WDR59: variants seen among roughly 807,000 people sequenced by gnomAD.
WDR59 encodes GATOR2 complex protein WDR59.
Under a neutral mutation model 131.2 loss-of-function variants are expected in WDR59, and 100 were observed. The observed-to-expected ratio is 0.76, with a 90% confidence interval of 0.65 to 0.90. The LOEUF is 0.90. Among genes scored for constraint, WDR59 ranks in the 40% least tolerant of loss-of-function variants. The pLI is 0.00. For synonymous variants in WDR59, 601 were observed against 466.2 expected (o/e 1.29, Z -3.72); for missense variants, 1,203 against 1,262.2 (o/e 0.95, Z 0.71).
chr16:74,953,042 G>A (rs2033091880), intron 3 of WDR59, among the ~76,000 whole-genome samples: 1 of 152,060 alleles, frequency 6.6e-6, no homozygotes, highest in South Asian at 2.1e-4. Flanking sequence ...CCCAGCACAC[G>A]ACACAGCGGG....
intron 14 of WDR59, among the ~76,000 whole-genome samples, chr16:74,911,242 T>G (rs1394444303): frequency 6.6e-6 from 1 of 152,204 alleles, no homozygotes; most frequent in Non-Finnish European, 1.5e-5. Flanking sequence ...CTATCTTTTT[T>G]GTATGTCCAA....
At chr16:74,962,492 G>C (rs1388862792) in intron 2 of WDR59, among the ~76,000 whole-genome samples, 2 of 152,038 alleles carry the variant, frequency 1.3e-5, no homozygotes, top group African/African-American at 2.4e-5. Context: ...CCTTGAAGAG[G>C]TCCTTCACTT....
rs1817467927 is a variant in WDR59 at position 74,871,519 on chromosome 16, C to T, written c.*2690G>A. On this transcript the variant is annotated 3_prime_UTR_variant, in exon 26 of 26. Transcript: ENST00000262144. ...AAGGAATTTCCGTATTGAAGGATGA[C>T]ATTATGTAATATTTTAAACTCGAAA... The T allele has an allele frequency of 6.6e-6, 1 of 152,192 alleles. No individual in the cohort carries two copies. The highest frequency in any genetic ancestry group is 1.5e-5 in the Non-Finnish European group (1 of 68,036). The allele number at this position is 152,192 out of a possible 1,614,324, so 9.4% of individuals were successfully genotyped here. A position where few individuals can be genotyped will look rare whatever the true frequency, so the allele number is the denominator to read the frequency against.
At chr16:74,960,951 T>C (rs540938374) in intron 2 of WDR59, among the ~76,000 whole-genome samples, 1 of 152,182 alleles carries the variant, frequency 6.6e-6, no homozygotes, top group Non-Finnish European at 1.5e-5. Context: ...TTTGTAAATT[T>C]CAGCTATTTA....
chr16:74,980,951 C>T lies in WDR59; in HGVS notation c.54+4013G>A, dbSNP rs184542037. ...CTGCACTCCAGCCTGGGCAACAGAGCGAGACTCCATCTCAAAAATAAAAAA... is the reference window on the plus strand; with the variant it reads ...CTGCACTCCAGCCTGGGCAACAGAGTGAGACTCCATCTCAAAAATAAAAAA... On this transcript the variant is annotated intron_variant, in intron 1 of 25. Transcript: ENST00000262144. 4.1e-5 allele frequency among the ~76,000 whole-genome samples: 6 copies of T among 146,628 alleles called. No individual in the cohort carries two copies. In the South Asian group the frequency reaches 8.9e-4, roughly 22 times the overall value.
At position 74,984,744 on chromosome 16, in the gene WDR59, G is replaced by T; in HGVS notation, c.54+220C>A. On this transcript the variant is annotated intron_variant, in intron 1 of 25. Transcript: ENST00000262144. ...CAAGGCGGACCCCACTCCCCTACCC[G>T]CGTAGGGAGCCCCGAAACTCCGTCC... 7 of 606,738 alleles carry T rather than the reference G, an allele frequency of 1.2e-5. No homozygotes were observed. The South Asian group carries it at 1.4e-4, about 12-fold the overall frequency. The allele number at this position is 606,738 out of a possible 1,614,324, so 37.6% of individuals were successfully genotyped here.
At chr16:74,977,945 T>G (rs953116274) in intron 1 of WDR59, among the ~76,000 whole-genome samples, 1 of 152,096 alleles carries the variant, frequency 6.6e-6, no homozygotes, top group African/African-American at 2.4e-5. Context: ...TGGTGGCTCA[T>G]GCCTGTAATC....
At chr16:74,960,648 G>A (rs1489851919) in intron 2 of WDR59, among the ~76,000 whole-genome samples, 2 of 151,492 alleles carry the variant, frequency 1.3e-5, no homozygotes, top group East Asian at 3.9e-4. Flanking sequence ...GGGAGGCTGA[G>A]GCATGAAAAT....
intron 1 of WDR59, among the ~76,000 whole-genome samples, chr16:74,975,613 G>A (rs1210342122): frequency 6.7e-6 from 1 of 148,424 alleles, no homozygotes; most frequent in Admixed American, 6.8e-5. Flanking sequence ...GCACTGAGCC[G>A]AGATCATGCC....
At chr16:74,937,495 G>A (rs892188902) in intron 8 of WDR59, among the ~76,000 whole-genome samples, 2 of 151,904 alleles carry the variant, frequency 1.3e-5, no homozygotes, top group East Asian at 1.9e-4. Flanking sequence ...CAGCTTCTTC[G>A]CAAGGGAACC....
chr16:74,948,200 TCTCC>T (rs2032767704), intron 6 of WDR59, among the ~76,000 whole-genome samples: 2 of 152,342 alleles, frequency 1.3e-5, no homozygotes, highest in South Asian at 4.1e-4. Flanking sequence ...TTCATTTTCT[TCTCC>T]CTATTTTTAC....
chr16:74,889,764 C>A lies in WDR59; in HGVS notation c.2134G>T (p.Asp712Tyr). The A allele has an allele frequency of 6.2e-7, 1 of 1,614,126 alleles. No homozygotes were observed. The highest frequency in any genetic ancestry group is 1.1e-5 in the South Asian group (1 of 91,070). Residue 712 changes from aspartate to tyrosine, a missense_variant, in exon 21 of 26, where the codon GAC (aspartate) becomes TAC (tyrosine). Asp to Tyr is a radical substitution (Grantham distance 160). Coordinates refer to ENST00000262144, the MANE Select transcript of WDR59 (RefSeq NM_030581.4). ...GCCCAGGGTGTTTCCAAATCTGGGT[C>A]AGATTTCGGACCAAGGCAAAGATCT... Reference protein sequence around the residue: ...ATDLCLGPKSDPDLETPWARH... With the variant: ...ATDLCLGPKSYPDLETPWARH...
intron 22 of WDR59, 119 bp from the exon 23 acceptor site, chr16:74,887,874 T>C (rs1184748849): frequency 1.9e-6 from 2 of 1,072,108 alleles, no homozygotes; most frequent in East Asian, 2.5e-5. Flanking sequence ...TCCTAGCAGT[T>C]TGGGAGGCCA....
Position 74,884,199 on chromosome 16 carries a change from C to T in WDR59, c.2689+1454G>A, listed in dbSNP as rs375269030. ...GGCTGTCTGCCTCTGACCGCTACAACGTCTCTGAACGGGCTTCCTATTTCT... is the reference window on the plus strand; with the variant it reads ...GGCTGTCTGCCTCTGACCGCTACAATGTCTCTGAACGGGCTTCCTATTTCT... On this transcript the variant is annotated intron_variant, in intron 25 of 25. Transcript: ENST00000262144. Among the ~76,000 whole-genome samples, 18 of 152,350 alleles carry T rather than the reference C, an allele frequency of 1.2e-4. No individual in the cohort carries two copies. In the South Asian group the frequency reaches 1.9e-3, roughly 16 times the overall value.
In WDR59 at chr16:74,951,550, AGAAAG is replaced by A; in HGVS notation, c.241-12_241-8del. The A allele has an allele frequency of 6.3e-7, 1 of 1,580,212 alleles. No homozygotes were observed. The highest frequency in any genetic ancestry group is 8.6e-7 in the Non-Finnish European group (1 of 1,162,352). On this transcript the variant is annotated splice_polypyrimidine_tract_variant and splice_region_variant and intron_variant, in intron 3 of 25. Transcript: ENST00000262144. ...GGTCTACTCGTTGGTTACTCTGAAA[AGAAAG>A]GAAAGAAGGCCACAGGCAAGTATGT...
At chr16:74,975,044 G>A (rs2034130608) in intron 1 of WDR59, among the ~76,000 whole-genome samples, 1 of 152,164 alleles carries the variant, frequency 6.6e-6, no homozygotes, top group Admixed American at 6.6e-5. Flanking sequence ...ACACAAGTAG[G>A]CACTACTATC....
rs375739411 is a variant in WDR59 at position 74,924,073 on chromosome 16, C to A, written c.652-70G>T. 9 of 1,459,040 alleles carry A rather than the reference C, an allele frequency of 6.2e-6. 1 individual carries two copies. The African/African-American group carries it at 1.1e-4, about 18-fold the overall frequency. The allele number at this position is 1,459,040 out of a possible 1,614,324, so 90.4% of individuals were successfully genotyped here. ...AAAAATTCTACTGAAATAAGCACAG[C>A]CTTTGAACTCATTGCTTCTGGTCCT... On this transcript the variant is annotated intron_variant, in intron 8 of 25. Coordinates refer to ENST00000262144, the MANE Select transcript of WDR59 (RefSeq NM_030581.4).
At position 74,916,254 on chromosome 16, in the gene WDR59, A is replaced by C. The variant is rs1233563673; in HGVS notation, c.972T>G (p.Cys324Trp). 1.9e-6 allele frequency: 3 copies of C among 1,613,924 alleles called. No individual in the cohort carries two copies. The highest frequency in any genetic ancestry group is 2.5e-6 in the Non-Finnish European group (3 of 1,179,914). ...CAACACCATCTAATATGTCATTTGC[A>C]CAAAGCTGCAACAAAGGGTAGAAGA... ...WRVDSQMQRL[C>W]ANDILDGVDE... The change falls in exon 12 of 26, where the codon TGT (cysteine) becomes TGG (tryptophan). Residue 324 changes from cysteine to tryptophan, a missense_variant. Physicochemically the swap from Cys to Trp is radical, Grantham distance 215 (BLOSUM62 -2). Transcript: ENST00000262144.
chr16:74,981,660 A>ATATATATATTTTTTTT (rs1567451007), intron 1 of WDR59, among the ~76,000 whole-genome samples: 5 of 80,878 alleles, frequency 6.2e-5, no homozygotes, highest in South Asian at 4.5e-4. Context: ...ATATATATAT[A>ATATATATATTTTTTTT]TTTTTTTTTT....
Sources: allele counts gnomAD v4.1 joint callset (sites outside exome capture counted in the v4.1 genomes callset), GRCh38; gene constraint gnomAD v4.1.1; transcripts MANE v1.5; gene names NCBI Gene and HGNC (gene_info 2026-07-23, HGNC 2026-07-21).